Variants in GRID2 observed in about 807,000 individuals in gnomAD.
GRID2 encodes the protein glutamate receptor ionotropic, delta-2.
In GRID2, 33 loss-of-function variants were observed where a neutral mutation model predicts 114.8. That is an observed-to-expected ratio of 0.29 (90% CI 0.22 to 0.38). GRID2 has a LOEUF of 0.38. Ranked by LOEUF, GRID2 falls within the 10% of genes least tolerant of loss-of-function variation. The probability of loss-of-function intolerance (pLI) is 1.00; values close to 1 mark genes in which losing one functional copy is unlikely to be tolerated. For synonymous variants in GRID2, 505 were observed against 449.9 expected (o/e 1.12, Z -1.55); for missense variants, 1,184 against 1,257.7 (o/e 0.94, Z 0.89).
chr4:92,589,525 C>T lies in GRID2; in HGVS notation c.89-606C>T, dbSNP rs181661515. On this transcript the variant is annotated intron_variant, in intron 1 of 15. Coordinates refer to ENST00000282020, the MANE Select transcript of GRID2 (RefSeq NM_001510.4). Reference sequence around the variant, plus strand: ...CATGGATAAAAAATGCTATAATTATCCATTAGGACTTACATTAGTTCCTTG... The same window carrying T: ...CATGGATAAAAAATGCTATAATTATTCATTAGGACTTACATTAGTTCCTTG... Among the ~76,000 whole-genome samples, 426 of 152,256 alleles carry T rather than the reference C, an allele frequency of 2.8e-3. 1 individual carries two copies. Among genetic ancestry groups the T allele is most frequent in the African/African-American group, 9.8e-3 (409 of 41,548 alleles).
At chr4:93,142,778 C>T (rs115360903) in intron 4 of GRID2, among the ~76,000 whole-genome samples, 1 of 152,140 alleles carries the variant, frequency 6.6e-6, no homozygotes, top group African/African-American at 2.4e-5. Context: ...ACTGTGGTTG[C>T]CACATGTGTA....
At chr4:93,135,460 G>A (rs188751831) in intron 4 of GRID2, among the ~76,000 whole-genome samples, 430 of 152,306 alleles carry the variant, frequency 2.8e-3, no homozygotes, top group Non-Finnish European at 4.8e-3. Context: ...AGTTATACAA[G>A]ATAATACTTT....
intron 13 of GRID2, among the ~76,000 whole-genome samples, chr4:93,605,968 G>T (rs1439589765): frequency 1.3e-5 from 2 of 152,062 alleles, no homozygotes; most frequent in Non-Finnish European, 2.9e-5. Context: ...AGAGAGGATG[G>T]TAGAAAGTAG....
intron 14 of GRID2, among the ~76,000 whole-genome samples, chr4:93,683,766 G>A (rs62319370): frequency 6.6e-6 from 1 of 151,828 alleles, no homozygotes; most frequent in Non-Finnish European, 1.5e-5. Context: ...TTATTTAAAA[G>A]TATAAGCTAT....
chr4:93,635,910 T>G (rs1241823857), intron 14 of GRID2, among the ~76,000 whole-genome samples: 1 of 152,180 alleles, frequency 6.6e-6, no homozygotes, highest in Non-Finnish European at 1.5e-5. Flanking sequence ...GTAGCCAAAT[T>G]TTAAACAATT....
chr4:93,677,405 C>T (rs1383060488), intron 14 of GRID2, among the ~76,000 whole-genome samples: 2 of 152,172 alleles, frequency 1.3e-5, no homozygotes, highest in Admixed American at 6.5e-5. Context: ...ATGTCCCTAT[C>T]TGACAGCTTT....
intron 2 of GRID2, among the ~76,000 whole-genome samples, chr4:92,918,437 A>G (rs1221347089): frequency 6.6e-6 from 1 of 152,200 alleles, no homozygotes; most frequent in Non-Finnish European, 1.5e-5. Context: ...ACCAGTTTTC[A>G]AAGGGAATGC....
intron 2 of GRID2, among the ~76,000 whole-genome samples, chr4:93,083,524 T>C (rs1730060189): frequency 1.3e-5 from 2 of 151,636 alleles, no homozygotes; most frequent in South Asian, 4.2e-4. Context: ...AAACTCCGTC[T>C]CTACTAAAAA....
intron 8 of GRID2, among the ~76,000 whole-genome samples, chr4:93,377,048 T>G (rs993594906): frequency 6.6e-6 from 1 of 152,200 alleles, no homozygotes; most frequent in African/African-American, 2.4e-5. Context: ...TTTAAAGGAC[T>G]TCTTAACTTT....
At chr4:92,569,485 C>T (rs1727505174) in intron 1 of GRID2, among the ~76,000 whole-genome samples, 1 of 152,006 alleles carries the variant, frequency 6.6e-6, no homozygotes. Flanking sequence ...CGGGTATATA[C>T]CCAGTAGTGA....
At position 93,218,340 on chromosome 4, in the gene GRID2, A is replaced by T. The variant is rs187818615; in HGVS notation, c.963+1429A>T. 2.9e-3 allele frequency among the ~76,000 whole-genome samples: 435 copies of T among 152,030 alleles called. 5 individuals are homozygous for T. Among genetic ancestry groups the T allele is most frequent in the Admixed American group, 0.019 (286 of 15,242 alleles). On this transcript the variant is annotated intron_variant, in intron 6 of 15. Coordinates refer to ENST00000282020, the MANE Select transcript of GRID2 (RefSeq NM_001510.4). ...CATGGCAAAACCCCATCTCTGAAAA[A>T]AATAATAATAATAATTAGCCAGGTG...
At chr4:93,807,979 G>C (rs1735064756) in exon 2 of GRID2, 2 of 151,964 alleles carry the variant, frequency 1.3e-5, no homozygotes, top group South Asian at 4.1e-4. Context: ...AAGCACCCAG[G>C]GAGCTCCCAG....
intron 2 of GRID2, among the ~76,000 whole-genome samples, chr4:92,891,991 C>T (rs770416429): frequency 2.6e-5 from 4 of 151,918 alleles, no homozygotes; most frequent in African/African-American, 2.4e-5. Context: ...ATTTTGCACC[C>T]AAAAGTATCT....
At chr4:93,445,777 AT>A (rs2149397911) in intron 10 of GRID2, among the ~76,000 whole-genome samples, 1 of 152,154 alleles carries the variant, frequency 6.6e-6, no homozygotes, top group African/African-American at 2.4e-5. Context: ...CTTGGAAGAT[AT>A]TTTAAAATGA....
intron 14 of GRID2, among the ~76,000 whole-genome samples, chr4:93,759,396 A>G (rs1448398460): frequency 6.6e-6 from 1 of 152,202 alleles, no homozygotes; most frequent in Non-Finnish European, 1.5e-5. Flanking sequence ...TGGGTCTTAG[A>G]GCCAACAAAA....
At chr4:93,789,036 T>C (rs1049050168) in intron 1 of GRID2, among the ~76,000 whole-genome samples, 1 of 152,164 alleles carries the variant, frequency 6.6e-6, no homozygotes, top group Non-Finnish European at 1.5e-5. Context: ...TAATCTCTTT[T>C]CTCCTCACAA....
At chr4:92,670,540 T>C (rs1160929722) in intron 2 of GRID2, among the ~76,000 whole-genome samples, 2 of 152,088 alleles carry the variant, frequency 1.3e-5, no homozygotes, top group Non-Finnish European at 2.9e-5. Context: ...TGATACTACT[T>C]ACTTTATAAG....
At chr4:93,687,910 A>T (rs1372088067) in intron 14 of GRID2, among the ~76,000 whole-genome samples, 1 of 152,006 alleles carries the variant, frequency 6.6e-6, no homozygotes, top group Non-Finnish European at 1.5e-5. Flanking sequence ...AGAGGCAAAG[A>T]CGGATATAGG....
At chr4:92,919,962 C>G (rs1049969989) in intron 2 of GRID2, among the ~76,000 whole-genome samples, 1 of 152,038 alleles carries the variant, frequency 6.6e-6, no homozygotes, top group South Asian at 2.1e-4. Context: ...TAAAGTCTTC[C>G]GTTATTATTG....
Sources: gnomAD v4.1 joint callset for allele counts (sites outside exome capture counted in the v4.1 genomes callset) on GRCh38, gnomAD v4.1.1 for gene constraint, MANE v1.5 for transcripts, NCBI Gene and HGNC (gene_info 2026-07-23, HGNC 2026-07-21) for gene names.